The following ZNF799 variants were observed in gnomAD, a reference collection of about 807,000 sequenced individuals.
ZNF799 encodes the protein zinc finger protein 799, also known as zinc finger protein 14.
ZNF799 carries 28 observed loss-of-function variants against 41.0 expected under a neutral mutation model. That is an observed-to-expected ratio of 0.68 (90% CI 0.51 to 0.94). The LOEUF (loss-of-function observed/expected upper bound fraction) is 0.94, where lower values mean the gene tolerates loss of function less well. Among genes scored for constraint, ZNF799 ranks in the 40% least tolerant of loss-of-function variants. The probability of loss-of-function intolerance (pLI) is 0.00; values close to 1 mark genes in which losing one functional copy is unlikely to be tolerated. For missense variants in ZNF799, 716 were observed against 764.3 expected, an observed-to-expected ratio of 0.94 and a Z score of 0.74; for synonymous variants, 213 against 252.9, an observed-to-expected ratio of 0.84 and a Z score of 1.50.
rs201843472 is a variant in ZNF799 at position 12,390,881 on chromosome 19, C to A, written c.1517G>T (p.Cys506Phe). ...RTHTGEKPYE[C>F]NTCKKAFSHF... ...ACTGAAGGCTTTCTTACATGTGTTACACTCATAAGGTTTCTCTCCTGTGTG... is the reference window on the plus strand; with the variant it reads ...ACTGAAGGCTTTCTTACATGTGTTAAACTCATAAGGTTTCTCTCCTGTGTG... The change falls in exon 4 of 4, where the codon TGT becomes TTT. Residue 506 changes from cysteine (C) to phenylalanine (F), a missense_variant. By Grantham distance (205) the Cys-to-Phe change is radical (BLOSUM62 -2). This residue lies in a region of ZNF799 where 698 missense variants were observed against 713.6 expected (regional missense o/e 0.98). Coordinates refer to ENST00000430385, the MANE Select transcript of ZNF799 (RefSeq NM_001080821.3). The A allele has an allele frequency of 2.3e-4, 369 of 1,614,070 alleles. No homozygotes were observed. Among genetic ancestry groups the A allele is most frequent in the Non-Finnish European group, 3.0e-4 (351 of 1,180,006 alleles).
At chr19:12,396,751 C>CAA (rs55920619) in intron 1 of ZNF799, among the ~76,000 whole-genome samples, 155 of 142,660 alleles carry the variant, frequency 1.1e-3, no homozygotes, top group Middle Eastern at 3.6e-3. Flanking sequence ...TGTGAGCAGC[C>CAA]AAAAAAAAAA....
At chr19:12,410,462 G>A in the ZNF799 span, among the ~76,000 whole-genome samples, 2 of 151,614 alleles carry the variant, frequency 1.3e-5, no homozygotes, top group Non-Finnish European at 1.5e-5. Context: ...TGTAGCAAAG[G>A]CAGTGTTTAC....
the ZNF799 span, among the ~76,000 whole-genome samples, chr19:12,413,513 G>GA: frequency 6.6e-6 from 1 of 152,144 alleles, no homozygotes; most frequent in African/African-American, 2.4e-5. Context: ...GCCCACAAGG[G>GA]AAAAATGTTC....
At chr19:12,409,179 T>A in the ZNF799 span, among the ~76,000 whole-genome samples, 1 of 149,032 alleles carries the variant, frequency 6.7e-6, no homozygotes, top group African/African-American at 2.5e-5. Context: ...TCATCAGGCA[T>A]TAGATTCTCA....
chr19:12,402,417 T>TTC (rs1568506119), upstream of ZNF799, among the ~76,000 whole-genome samples: 1 of 8,958 alleles, frequency 1.1e-4, no homozygotes, highest in Non-Finnish European at 2.2e-4. Context: ...CCTTTATTTC[T>TTC]TTTTTTTTTT....
In ZNF799 at chr19:12,390,304, A is replaced by G. The variant is rs1969787524; in HGVS notation, c.*162T>C. On this transcript the variant is annotated 3_prime_UTR_variant, in exon 4 of 4. Coordinates refer to ENST00000430385, the MANE Select transcript of ZNF799 (RefSeq NM_001080821.3). ...CGGAGTGCTGGAACCAATACCCAGC[A>G]GGTATCAAGGGATGACTGTACTGGA... The G allele has an allele frequency of 2.3e-6, 3 of 1,317,282 alleles. No homozygotes were observed. The highest frequency in any genetic ancestry group is 3.1e-6 in the Non-Finnish European group (3 of 966,906). 81.6% of individuals were successfully genotyped at this position (1,317,282 alleles called of 1,614,324 possible).
At chr19:12,395,448 C>T in intron 1 of ZNF799, among the ~76,000 whole-genome samples, 1 of 152,118 alleles carries the variant, frequency 6.6e-6, no homozygotes, top group Non-Finnish European at 1.5e-5. Context: ...AGCCAAGGCC[C>T]TCTCTTCTAC....
the ZNF799 span, among the ~76,000 whole-genome samples, chr19:12,407,045 AAAC>A: frequency 6.6e-6 from 1 of 152,352 alleles, no homozygotes; most frequent in Admixed American, 6.5e-5. Flanking sequence ...AATGAAGACA[AAAC>A]AACTAAAATT....
At chr19:12,407,458 A>G in the ZNF799 span, among the ~76,000 whole-genome samples, 84 of 151,426 alleles carry the variant, frequency 5.5e-4, no homozygotes, top group Non-Finnish European at 1.1e-3. Flanking sequence ...GCAAGACCCT[A>G]TCTAAAAAAA....
upstream of ZNF799, among the ~76,000 whole-genome samples, chr19:12,402,416 C>CTTTTTTT (rs745521629): frequency 2.4e-5 from 3 of 125,042 alleles, no homozygotes; most frequent in Non-Finnish European, 4.8e-5. Context: ...CCCTTTATTT[C>CTTTTTTT]TTTTTTTTTT....
At chr19:12,399,375 T>C (rs1401763468) in intron 1 of ZNF799, among the ~76,000 whole-genome samples, 2 of 145,288 alleles carry the variant, frequency 1.4e-5, no homozygotes, top group Admixed American at 6.7e-5. Context: ...AAATCATTTC[T>C]GTTTTTTTTT....
upstream of ZNF799, among the ~76,000 whole-genome samples, chr19:12,403,891 A>G (rs1160841528): frequency 6.6e-6 from 1 of 152,180 alleles, no homozygotes; most frequent in Non-Finnish European, 1.5e-5. Context: ...GCTTATATCT[A>G]TAAACTTCCC....
chr19:12,391,739 G>C lies in ZNF799; in HGVS notation c.659C>G (p.Thr220Ser). 3 of 1,614,102 alleles carry C rather than the reference G, an allele frequency of 1.9e-6. No homozygotes were observed. The highest frequency in any genetic ancestry group is 2.5e-6 in the Non-Finnish European group (3 of 1,179,994). ...SLLHMHERTH[T>S]GEKPYECKQC... ...CTTACATTCATATGGTTTCTCTCCA[G>C]TGTGCGTTCTCTCATGCATATGTAA... is the stretch of plus-strand genomic sequence containing the variant. Residue 220 changes from threonine (T) to serine (S), a missense_variant, in exon 4 of 4, where the codon ACT (threonine) becomes AGT (serine). Thr to Ser is a moderately conservative substitution (Grantham distance 58, BLOSUM62 1). Coordinates refer to ENST00000430385, the MANE Select transcript of ZNF799 (RefSeq NM_001080821.3).
At chr19:12,401,003 AGCC>A in intron 1 of ZNF799, 62 bp downstream of exon 1, 2 of 1,613,584 alleles carry the variant, frequency 1.2e-6, no homozygotes, top group Non-Finnish European at 1.7e-6. Context: ...GTCCAGCCAC[AGCC>A]GATTACTGCA....
chr19:12,395,387 C>G (rs572638436), intron 1 of ZNF799, among the ~76,000 whole-genome samples: 5 of 152,240 alleles, frequency 3.3e-5, no homozygotes, highest in African/African-American at 1.2e-4. Context: ...AATGATCCGC[C>G]TGCCTTAGCC....
chr19:12,395,547 G>C (rs1266905428), intron 1 of ZNF799, among the ~76,000 whole-genome samples: 1 of 152,200 alleles, frequency 6.6e-6, no homozygotes, highest in Non-Finnish European at 1.5e-5. Flanking sequence ...GTAGCCAACT[G>C]GAAGAACAGA....
the ZNF799 span, among the ~76,000 whole-genome samples, chr19:12,411,891 GCA>G: frequency 6.6e-6 from 1 of 152,088 alleles, no homozygotes; most frequent in Non-Finnish European, 1.5e-5. Flanking sequence ...AAGATTACAG[GCA>G]TGAGCCACTG....
Position 12,392,023 on chromosome 19 carries a change from A to G in ZNF799, c.375T>C (p.Gly125=). The G allele has an allele frequency of 6.2e-7, 1 of 1,614,184 alleles. No homozygotes were observed. ...HSSLNCYIRV[G]AGHKPYEYHE... The stretch of plus-strand genomic sequence containing the variant: ...GATACTCATATGGTTTGTGCCCAGC[A>G]CCAACTCTGATGTAACAATTAAGGG... Residue 125 remains glycine, a synonymous_variant, in exon 4 of 4, where the codon GGT becomes GGC. Transcript: ENST00000430385.
At chr19:12,394,725 T>C in intron 1 of ZNF799, 1 of 985,178 alleles carries the variant, frequency 1.0e-6, no homozygotes, top group Non-Finnish European at 1.2e-6. Flanking sequence ...TCATGAATAT[T>C]TATAATACTT....
Sources: gnomAD v4.1 joint callset for allele counts (sites outside exome capture counted in the v4.1 genomes callset) on GRCh38, gnomAD v4.1.1 for gene constraint, gnomAD v4.1.1 regional missense constraint, MANE v1.5 for transcripts, NCBI Gene and HGNC (gene_info 2026-07-23, HGNC 2026-07-21) for gene names.